The following CSMD1 variants were observed in gnomAD, a reference collection of about 807,000 sequenced individuals.
CSMD1 encodes the protein CUB and Sushi multiple domains 1.
In CSMD1, 213 loss-of-function variants were observed where a neutral mutation model predicts 417.5. The ratio of observed to expected loss-of-function variants is 0.51; its 90% CI spans 0.46 to 0.57. The LOEUF (loss-of-function observed/expected upper bound fraction) is 0.57, where lower values mean the gene tolerates loss of function less well. Among genes scored for constraint, CSMD1 ranks in the 20% least tolerant of loss-of-function variants. The pLI is 0.00. For missense variants in CSMD1, 6,923 were observed against 4,529.7 expected, an observed-to-expected ratio of 1.53 and a Z score of -15.17; for synonymous variants, 2,862 against 1,736.8, an observed-to-expected ratio of 1.65 and a Z score of -16.11.
chr8:4,588,745 A>G, intron 2 of CSMD1, among the ~76,000 whole-genome samples: 1 of 150,288 alleles, frequency 6.7e-6, no homozygotes, highest in East Asian at 2.0e-4. Flanking sequence ...AGATTGCACC[A>G]CTGCACTCCA....
intron 10 of CSMD1, among the ~76,000 whole-genome samples, chr8:3,563,177 G>A (rs931548321): frequency 1.2e-4 from 18 of 151,848 alleles, no homozygotes; most frequent in African/African-American, 4.1e-4. Context: ...GTGTGACTAC[G>A]TTTTATTTAG....
Position 3,948,151 on chromosome 8 carries a change from G to C in CSMD1, c.818+49752C>G, listed in dbSNP as rs372481330. Among the ~76,000 whole-genome samples, 5 of 152,284 alleles carry C rather than the reference G, an allele frequency of 3.3e-5. No individual in the cohort carries two copies. The South Asian group carries it at 1.0e-3, about 32-fold the overall frequency. Reference sequence around the variant, plus strand: ...AACCGAGAGGCTTAGGTTGCAGTCAGCTGAGATTGCACCACTACACTGCAG... The same window carrying C: ...AACCGAGAGGCTTAGGTTGCAGTCACCTGAGATTGCACCACTACACTGCAG... On this transcript the variant is annotated intron_variant, in intron 5 of 69. Coordinates refer to ENST00000635120, the MANE Select transcript of CSMD1 (RefSeq NM_033225.6).
At chr8:3,390,764 G>A (rs1325495438) in intron 17 of CSMD1, among the ~76,000 whole-genome samples, 2 of 151,932 alleles carry the variant, frequency 1.3e-5, no homozygotes, top group African/African-American at 2.4e-5. Flanking sequence ...CAGCTCATAC[G>A]GAGGTACATT....
At chr8:4,979,189 C>G (rs1810735269) in intron 1 of CSMD1, among the ~76,000 whole-genome samples, 1 of 152,112 alleles carries the variant, frequency 6.6e-6, no homozygotes, top group African/African-American at 2.4e-5. Flanking sequence ...ACTAGGAGGA[C>G]ACATCTCATA....
At chr8:4,112,344 T>C (rs1346572445) in intron 3 of CSMD1, among the ~76,000 whole-genome samples, 14 of 152,198 alleles carry the variant, frequency 9.2e-5, no homozygotes, top group Admixed American at 7.2e-4. Context: ...AGGCCTGTGA[T>C]GAGGCTAGGG....
intron 39 of CSMD1, 135 bp from the exon 40 acceptor site, chr8:3,151,648 G>C (rs748753568): frequency 1.6e-6 from 1 of 608,560 alleles, no homozygotes; most frequent in Non-Finnish European, 3.0e-6. Flanking sequence ...TACAGCACAC[G>C]ATACAATGCT....
At chr8:3,862,840 G>A (rs1386345614) in intron 5 of CSMD1, among the ~76,000 whole-genome samples, 1 of 152,170 alleles carries the variant, frequency 6.6e-6, no homozygotes, top group African/African-American at 2.4e-5. Context: ...TAGGGCAGGT[G>A]TCAAAATCTC....
chr8:4,362,098 A>T (rs1801800781), intron 3 of CSMD1, among the ~76,000 whole-genome samples: 1 of 152,234 alleles, frequency 6.6e-6, no homozygotes, highest in South Asian at 2.1e-4. Flanking sequence ...TATACAAATG[A>T]GAACAGAATT....
At chr8:4,846,494 G>A (rs1777466970) in intron 1 of CSMD1, among the ~76,000 whole-genome samples, 1 of 152,196 alleles carries the variant, frequency 6.6e-6, no homozygotes, top group Admixed American at 6.5e-5. Context: ...CCAGCCTCCT[G>A]ACAGCAACTC....
At chr8:4,128,707 T>G (rs1251780105) in intron 3 of CSMD1, among the ~76,000 whole-genome samples, 1 of 152,084 alleles carries the variant, frequency 6.6e-6, no homozygotes, top group Non-Finnish European at 1.5e-5. Context: ...CCACACACTG[T>G]CCACTCATCC....
intron 3 of CSMD1, among the ~76,000 whole-genome samples, chr8:4,288,551 T>C (rs1797188355): frequency 6.6e-6 from 1 of 152,198 alleles, no homozygotes; most frequent in South Asian, 2.1e-4. Context: ...TTATGACTTG[T>C]CCTTCTAAGT....
intron 1 of CSMD1, among the ~76,000 whole-genome samples, chr8:4,720,474 G>A (rs1808980890): frequency 1.3e-5 from 2 of 152,108 alleles, no homozygotes; most frequent in Admixed American, 1.3e-4. Flanking sequence ...CTGGAGTGCA[G>A]AGGCATGATC....
intron 3 of CSMD1, among the ~76,000 whole-genome samples, chr8:4,219,861 G>C (rs991080772): frequency 3.3e-5 from 5 of 152,164 alleles, no homozygotes; most frequent in Middle Eastern, 3.2e-3. Context: ...GGAGTGCATA[G>C]AAAGACAAAA....
At chr8:2,967,836 T>C (rs924066865) in intron 57 of CSMD1, among the ~76,000 whole-genome samples, 1 of 151,746 alleles carries the variant, frequency 6.6e-6, no homozygotes, top group Non-Finnish European at 1.5e-5. Flanking sequence ...GTACTGGGAG[T>C]CGAGGGACTA....
chr8:3,943,423 T>TAA (rs5889003), intron 5 of CSMD1, among the ~76,000 whole-genome samples: 2,225 of 137,040 alleles, frequency 0.016, 27 homozygotes, highest in East Asian at 0.05. Context: ...TTTTTTTCAT[T>TAA]AAAAAAAAAA....
intron 10 of CSMD1, among the ~76,000 whole-genome samples, chr8:3,541,956 G>C (rs1360169629): frequency 1.3e-5 from 2 of 152,044 alleles, no homozygotes; most frequent in African/African-American, 4.8e-5. Context: ...GTGGAGGTTG[G>C]AGTGAGCCTA....
chr8:3,285,256 A>T (rs1172062027), intron 25 of CSMD1, among the ~76,000 whole-genome samples: 1 of 152,226 alleles, frequency 6.6e-6, no homozygotes, highest in East Asian at 1.9e-4. Flanking sequence ...GAAAACACTT[A>T]TGTCACCCTG....
chr8:3,555,652 T>C (rs1563149302), intron 10 of CSMD1, among the ~76,000 whole-genome samples: 1 of 152,238 alleles, frequency 6.6e-6, no homozygotes, highest in Middle Eastern at 3.4e-3. Flanking sequence ...TGGAAGTACA[T>C]GTACACTTGA....
In CSMD1 at chr8:3,310,498, TAACA is replaced by T. The variant is rs1262155814; in HGVS notation, c.3632-1999_3632-1996del. Among the ~76,000 whole-genome samples the T allele has an allele frequency of 4.6e-5, 7 of 152,288 alleles. No individual in the cohort carries two copies. In the East Asian group the frequency reaches 7.7e-4, roughly 17 times the overall value. The stretch of plus-strand genomic sequence containing the variant: ...CACTTGGAGTCCACCTCCCTATTAA[TAACA>T]AACAATCTTCCAAAATCTTGCGCTA... On this transcript the variant is annotated intron_variant, in intron 23 of 69. Transcript: ENST00000635120.
Sources: gnomAD v4.1 joint callset for allele counts (sites outside exome capture counted in the v4.1 genomes callset) on GRCh38, gnomAD v4.1.1 for gene constraint, MANE v1.5 for transcripts, NCBI Gene and HGNC (gene_info 2026-07-23, HGNC 2026-07-21) for gene names.